Variants in ZCCHC14 observed in about 807,000 individuals in gnomAD.
ZCCHC14 encodes zinc finger CCHC domain-containing protein 14.
ZCCHC14 carries 16 observed loss-of-function variants against 85.0 expected under a neutral mutation model. That is an observed-to-expected ratio of 0.19 (90% CI 0.13 to 0.29). The LOEUF is 0.29. ZCCHC14 is among the 10% of genes least tolerant of loss of function. The pLI, the probability that ZCCHC14 is intolerant of heterozygous loss-of-function variation, is 1.00. For missense variants in ZCCHC14, 1,303 were observed against 1,443.5 expected (o/e 0.90, Z 1.58); for synonymous variants, 775 against 630.7 (o/e 1.23, Z -3.43).
chr16:87,461,939 G>C (rs963094042), intron 1 of ZCCHC14, among the ~76,000 whole-genome samples: 1 of 152,160 alleles, frequency 6.6e-6, no homozygotes, highest in African/African-American at 2.4e-5. Context: ...AAAGCAACTT[G>C]TCACAGGGCT....
At chr16:87,418,959 A>G in intron 6 of ZCCHC14, 58 bp from the exon 7 acceptor site, 1 of 1,472,942 alleles carries the variant, frequency 6.8e-7, no homozygotes. Context: ...TATTTGTTTT[A>G]TTTTATTATT....
At chr16:87,411,494 C>A in intron 12 of ZCCHC14, 22 bp downstream of exon 12, 1 of 1,611,582 alleles carries the variant, frequency 6.2e-7, no homozygotes, top group Non-Finnish European at 8.5e-7. Flanking sequence ...GCCTGGTGGG[C>A]GCGGCCATGG....
At chr16:87,476,558 A>T (rs1178746060) in intron 1 of ZCCHC14, among the ~76,000 whole-genome samples, 1 of 152,134 alleles carries the variant, frequency 6.6e-6, no homozygotes, top group African/African-American at 2.4e-5. Context: ...CAGACTGTGT[A>T]AAGTTCAGTA....
At chr16:87,431,666 A>C (rs1262886467) in intron 3 of ZCCHC14, among the ~76,000 whole-genome samples, 1 of 152,176 alleles carries the variant, frequency 6.6e-6, no homozygotes, top group African/African-American at 2.4e-5. Flanking sequence ...ATGCGAAGAC[A>C]GCTCCGTGCA....
chr16:87,410,386 A>G (rs1189672082), intron 12 of ZCCHC14, 51 bp from the exon 13 acceptor site: 1 of 749,512 alleles, frequency 1.3e-6, no homozygotes, highest in African/African-American at 1.7e-5. Context: ...TAGAATCACC[A>G]CCAACCACCA....
chr16:87,412,342 G>C lies in ZCCHC14; in HGVS notation c.2379C>G (p.Ser793=), dbSNP rs765960265. 1 of 1,614,156 alleles carries C rather than the reference G, an allele frequency of 6.2e-7. No homozygotes were observed. Among genetic ancestry groups the C allele is most frequent in the South Asian group, 1.1e-5 (1 of 91,090 alleles). ...CACTTATTTGCACATTATTAGGACAGGAAGTTTGCCCAGAAATGGCAGAAT... is the reference window on the plus strand; with the variant it reads ...CACTTATTTGCACATTATTAGGACACGAAGTTTGCCCAGAAATGGCAGAAT... The part of the protein sequence containing the change: ...PADSAISGQT[S]CPNNVQISVP... Residue 793 remains serine, a synonymous_variant, in exon 12 of 13, where the codon TCC becomes TCG. Transcript: ENST00000671377.
intron 10 of ZCCHC14, 104 bp downstream of exon 10, chr16:87,414,310 T>A: frequency 3.3e-6 from 5 of 1,523,604 alleles, no homozygotes; most frequent in Non-Finnish European, 4.5e-6. Context: ...GTAACCCATC[T>A]GCCCGACACA....
chr16:87,469,811 A>C (rs1851228001), intron 1 of ZCCHC14, among the ~76,000 whole-genome samples: 3 of 152,154 alleles, frequency 2.0e-5, no homozygotes, highest in South Asian at 4.1e-4. Context: ...CCCTGTGGGC[A>C]GCACACCCCC....
chr16:87,462,745 A>AG (rs1271988228), intron 1 of ZCCHC14, among the ~76,000 whole-genome samples: 1 of 150,286 alleles, frequency 6.7e-6, no homozygotes, highest in African/African-American at 2.5e-5. Context: ...CACAAAAAAA[A>AG]AAAAAAGAAA....
At chr16:87,418,745 C>T (rs1211256362) in intron 7 of ZCCHC14, 102 bp downstream of exon 7, 19 of 1,198,454 alleles carry the variant, frequency 1.6e-5, no homozygotes, top group Non-Finnish European at 2.3e-5. Flanking sequence ...CAAGACTCAA[C>T]TTGAGCATGA....
At chr16:87,446,189 TA>T (rs905059257) in intron 2 of ZCCHC14, among the ~76,000 whole-genome samples, 14 of 144,020 alleles carry the variant, frequency 9.7e-5, no homozygotes, top group African/African-American at 1.8e-4. Flanking sequence ...AAAAAAGACT[TA>T]AAAAAAAAAT....
intron 1 of ZCCHC14, among the ~76,000 whole-genome samples, chr16:87,461,698 C>T (rs941710103): frequency 6.6e-6 from 1 of 152,168 alleles, no homozygotes; most frequent in African/African-American, 2.4e-5. Context: ...AAAGTGGAGG[C>T]GGAAGCTGGA....
At chr16:87,415,535 A>G (rs995080959) in intron 8 of ZCCHC14, among the ~76,000 whole-genome samples, 168 bp from the exon 9 acceptor site, 1 of 152,244 alleles carries the variant, frequency 6.6e-6, no homozygotes, top group Admixed American at 6.5e-5. Flanking sequence ...TTTACTTGCT[A>G]AATGACTTGG....
intron 2 of ZCCHC14, among the ~76,000 whole-genome samples, chr16:87,443,843 C>A (rs148927214): frequency 1.3e-5 from 2 of 152,126 alleles, no homozygotes; most frequent in East Asian, 3.9e-4. Flanking sequence ...TCAAGACCAG[C>A]CTGGCCAAAA....
At chr16:87,485,646 T>C (rs1360903994) in intron 1 of ZCCHC14, among the ~76,000 whole-genome samples, 2 of 145,044 alleles carry the variant, frequency 1.4e-5, no homozygotes, top group Non-Finnish European at 3.0e-5. Flanking sequence ...CCCTCTAAGG[T>C]GGGGGGCGGG....
At chr16:87,462,737 C>CA (rs78208689) in intron 1 of ZCCHC14, among the ~76,000 whole-genome samples, 3,435 of 143,342 alleles carry the variant, frequency 0.024, 65 homozygotes, top group Middle Eastern at 0.1. Flanking sequence ...CTCTATCTCA[C>CA]AAAAAAAAAA....
At position 87,441,466 on chromosome 16, in the gene ZCCHC14, T is replaced by A. The variant is rs377474817; in HGVS notation, c.695-8265A>T. On this transcript the variant is annotated intron_variant, in intron 2 of 12. Transcript: ENST00000671377. ...TGTCTTTGATTTTCCTTATCTCCCATTCATATTTATTGTTTAAGTCTGTAG... is the reference window on the plus strand; with the variant it reads ...TGTCTTTGATTTTCCTTATCTCCCAATCATATTTATTGTTTAAGTCTGTAG... Among the ~76,000 whole-genome samples, 54 of 152,350 alleles carry A rather than the reference T, an allele frequency of 3.5e-4. No individual in the cohort carries two copies. In the East Asian group the frequency reaches 8.5e-3, roughly 24 times the overall value.
chr16:87,437,447 C>T (rs1304394648), intron 2 of ZCCHC14, among the ~76,000 whole-genome samples: 1 of 152,060 alleles, frequency 6.6e-6, no homozygotes, highest in Non-Finnish European at 1.5e-5. Flanking sequence ...GGCCAGAAAG[C>T]CTCCGTGAGG....
At chr16:87,479,852 G>C (rs1186958323) in intron 1 of ZCCHC14, among the ~76,000 whole-genome samples, 1 of 152,142 alleles carries the variant, frequency 6.6e-6, no homozygotes, top group Non-Finnish European at 1.5e-5. Flanking sequence ...CCTTGTATGA[G>C]TGCAACCCAG....
Sources: allele counts gnomAD v4.1 joint callset (sites outside exome capture counted in the v4.1 genomes callset), GRCh38; gene constraint gnomAD v4.1.1; transcripts MANE v1.5; gene names NCBI Gene and HGNC (gene_info 2026-07-23, HGNC 2026-07-21).